The following CARD8 variants were observed in gnomAD, a reference collection of about 807,000 sequenced individuals.
The protein encoded by CARD8 is caspase recruitment domain-containing protein 8.
Under a neutral mutation model 53.2 loss-of-function variants are expected in CARD8, and 38 were observed. That is an observed-to-expected ratio of 0.71 (90% CI 0.55 to 0.94). The LOEUF (loss-of-function observed/expected upper bound fraction) is 0.94. Ranked by LOEUF, CARD8 falls within the 40% of genes least tolerant of loss-of-function variation. The probability of loss-of-function intolerance (pLI) is 0.00; values close to 1 mark genes in which losing one functional copy is unlikely to be tolerated. For missense variants in CARD8, 561 were observed against 655.5 expected (o/e 0.86, Z 1.57); for synonymous variants, 245 against 244.9 (o/e 1.00, Z 0.00).
At chr19:48,230,251 A>T (rs1490672140) in intron 10 of CARD8, among the ~76,000 whole-genome samples, 187 bp downstream of exon 10, 1 of 152,216 alleles carries the variant, frequency 6.6e-6, no homozygotes, top group South Asian at 2.1e-4. Flanking sequence ...TCACTACTGA[A>T]GATGGTTAGG....
At position 48,218,925 on chromosome 19, in the gene CARD8, C is replaced by T; in HGVS notation, c.1249G>A (p.Glu417Lys). The change falls in exon 12 of 14, where the codon GAG (glutamate) becomes AAG (lysine). Residue 417 changes from glutamate (E) to lysine (K), a missense_variant. Physicochemically the swap from Glu to Lys is moderately conservative, Grantham distance 56. Transcript: ENST00000651546. ...GTCCCATGTCTTTTTTCAGTAATCT[C>T]AAGTTGAATGGGTTCCTTCATCTGC... is the stretch of plus-strand genomic sequence containing the variant. ...AGQMKEPIQLEITEKRHGTLV... is the reference protein window; with the variant it reads ...AGQMKEPIQLKITEKRHGTLV... The T allele has an allele frequency of 6.2e-7, 1 of 1,614,086 alleles. No individual in the cohort carries two copies. Among genetic ancestry groups the T allele is most frequent in the Non-Finnish European group, 8.5e-7 (1 of 1,179,950 alleles).
chr19:48,215,311 C>T, intron 13 of CARD8, 29 bp downstream of exon 13: 11 of 1,565,978 alleles, frequency 7.0e-6, no homozygotes, highest in Non-Finnish European at 9.7e-6. Context: ...CATACATACC[C>T]TTGGCTTTAA....
At chr19:48,223,340 C>T (rs1213257733) in intron 10 of CARD8, among the ~76,000 whole-genome samples, 1 of 151,576 alleles carries the variant, frequency 6.6e-6, no homozygotes, top group Admixed American at 6.6e-5. Context: ...GTCAGCAGAT[C>T]TCTATGAAGA....
intron 6 of CARD8, 32 bp from the exon 7 acceptor site, chr19:48,232,525 A>T: frequency 2.6e-6 from 4 of 1,520,318 alleles, no homozygotes; most frequent in South Asian, 2.4e-5. Flanking sequence ...TTACAAAAAG[A>T]TGAAAAACAT....
intron 13 of CARD8, among the ~76,000 whole-genome samples, chr19:48,213,498 C>T (rs1397827628): frequency 1.3e-5 from 2 of 152,142 alleles, no homozygotes; most frequent in African/African-American, 4.8e-5. Context: ...CTCAGCCCCC[C>T]GAGTAGCTGG....
intron 6 of CARD8, chr19:48,233,281 C>G (rs2043245600): frequency 6.6e-6 from 3 of 455,102 alleles, no homozygotes; most frequent in Non-Finnish European, 1.3e-5. Context: ...CCTTCTGGAG[C>G]AAGGCAACCA....
chr19:48,236,583 G>A (rs2043929841), intron 5 of CARD8, among the ~76,000 whole-genome samples: 1 of 152,154 alleles, frequency 6.6e-6, no homozygotes, highest in African/African-American at 2.4e-5. Context: ...GTGCAGCACT[G>A]CTTTTAAAAT....
At chr19:48,215,283 A>C (rs2039029311) in intron 13 of CARD8, 57 bp downstream of exon 13, 2 of 1,298,920 alleles carry the variant, frequency 1.5e-6, no homozygotes, top group African/African-American at 2.9e-5. Context: ...ACTGTCACTC[A>C]AAGACCCCTT....
At chr19:48,239,265 G>A (rs1207334433) in intron 4 of CARD8, among the ~76,000 whole-genome samples, 1 of 152,174 alleles carries the variant, frequency 6.6e-6, no homozygotes, top group Non-Finnish European at 1.5e-5. Flanking sequence ...ACCTGTCAAA[G>A]TTGTTGCTTA....
At position 48,208,983 on chromosome 19, in the gene CARD8, C is replaced by CAAAA. The variant is rs61047810; in HGVS notation, c.*2723_*2726dup. 6 of 48,134 alleles carry CAAAA rather than the reference C, an allele frequency of 1.2e-4. No homozygotes were observed. Among genetic ancestry groups the CAAAA allele is most frequent in the African/African-American group, 4.4e-4 (5 of 11,314 alleles). 3.0% of individuals were successfully genotyped at this position (48,134 alleles called of 1,614,324 possible). On this transcript the variant is annotated 3_prime_UTR_variant, in exon 14 of 14. Coordinates refer to ENST00000651546, the MANE Select transcript of CARD8 (RefSeq NM_001184900.3). ...TAGATGACAGAGCGAGACTCCATCT[C>CAAAA]AAAAAAAAAAAAAAAAAAAAAAAAA...
At chr19:48,247,724 T>C (rs1038997746) in intron 3 of CARD8, among the ~76,000 whole-genome samples, 13 of 150,050 alleles carry the variant, frequency 8.7e-5, no homozygotes, top group African/African-American at 2.9e-4. Context: ...ATTTTATATA[T>C]ATATACTATA....
chr19:48,230,329 T>C (rs909871207), intron 10 of CARD8, 109 bp downstream of exon 10: 14 of 1,272,296 alleles, frequency 1.1e-5, no homozygotes, highest in Non-Finnish European at 1.5e-5. Flanking sequence ...CTTCTGTCCA[T>C]GAAAACCATG....
chr19:48,219,627 A>G (rs989462058), intron 11 of CARD8, among the ~76,000 whole-genome samples: 1 of 152,156 alleles, frequency 6.6e-6, no homozygotes. Context: ...TGTTGGCTGG[A>G]ATCTTTTTAA....
intron 10 of CARD8, among the ~76,000 whole-genome samples, chr19:48,223,400 A>C (rs1316695469): frequency 6.6e-6 from 1 of 152,208 alleles, no homozygotes; most frequent in Non-Finnish European, 1.5e-5. Flanking sequence ...AAATCAAATA[A>C]AAGAAAAATT....
rs1020067002 is a variant in CARD8 at position 48,210,237 on chromosome 19, T to G, written c.*1473A>C. On this transcript the variant is annotated 3_prime_UTR_variant, in exon 14 of 14. Coordinates refer to ENST00000651546, the MANE Select transcript of CARD8 (RefSeq NM_001184900.3). ...AGAAAACAATGTCAACTAAAAATAC[T>G]ACAAGCAAAAAACATCACTGAGAAT... is the stretch of plus-strand genomic sequence containing the variant. 2.0e-5 allele frequency: 3 copies of G among 151,986 alleles called. No homozygotes were observed. Among genetic ancestry groups the G allele is most frequent in the African/African-American group, 7.2e-5 (3 of 41,392 alleles). The allele number at this position is 151,986 out of a possible 1,614,324, so 9.4% of individuals were successfully genotyped here.
intron 3 of CARD8, among the ~76,000 whole-genome samples, chr19:48,244,243 G>A (rs1203838903): frequency 6.6e-6 from 1 of 152,030 alleles, no homozygotes; most frequent in Non-Finnish European, 1.5e-5. Flanking sequence ...AATGAACAAG[G>A]CAATGAGAAA....
At chr19:48,214,621 T>A (rs2038813253) in intron 13 of CARD8, among the ~76,000 whole-genome samples, 1 of 151,960 alleles carries the variant, frequency 6.6e-6, no homozygotes, top group Non-Finnish European at 1.5e-5. Context: ...AGGGGAAGAA[T>A]CAGGGAAGAA....
intron 1 of CARD8, among the ~76,000 whole-genome samples, chr19:48,254,543 G>A (rs370262077): frequency 6.6e-6 from 1 of 152,048 alleles, no homozygotes; most frequent in Non-Finnish European, 1.5e-5. Flanking sequence ...ACAAGTCAGG[G>A]GTTCGAGACC....
At chr19:48,204,057 G>A (rs1021677741), downstream of CARD8, 2 of 421,200 alleles carry the variant, frequency 4.7e-6, no homozygotes, top group Non-Finnish European at 9.6e-6. Flanking sequence ...GAGAGGAGTG[G>A]GGAGGAGCTC....
Sources: allele counts gnomAD v4.1 joint callset (sites outside exome capture counted in the v4.1 genomes callset), GRCh38; gene constraint gnomAD v4.1.1; transcripts MANE v1.5; gene names NCBI Gene and HGNC (gene_info 2026-07-23, HGNC 2026-07-21).